TNNI3K: variants seen among roughly 807,000 people sequenced by gnomAD.
TNNI3K encodes the protein TNNI3 interacting kinase.
TNNI3K carries 140 observed loss-of-function variants against 114.5 expected under a neutral mutation model. The observed-to-expected ratio is 1.22, with a 90% CI of 1.07 to 1.41. The LOEUF (loss-of-function observed/expected upper bound fraction) is 1.41. TNNI3K is among the 40% of genes most tolerant of loss of function. The pLI, the probability that TNNI3K is intolerant of heterozygous loss-of-function variation, is 0.00. For synonymous variants in TNNI3K, 347 were observed against 347.5 expected (o/e 1.00, Z 0.02); for missense variants, 1,125 against 1,007.6 (o/e 1.12, Z -1.58).
chr1:74,470,328 A>T (rs893306915), intron 21 of TNNI3K: 1 of 400,558 alleles, frequency 2.5e-6, no homozygotes, highest in African/African-American at 2.1e-5. Flanking sequence ...GTGAGATCTG[A>T]GTTAACATAC....
At chr1:74,462,390 T>A (rs909440911) in intron 20 of TNNI3K, among the ~76,000 whole-genome samples, 1 of 152,220 alleles carries the variant, frequency 6.6e-6, no homozygotes, top group Non-Finnish European at 1.5e-5. Flanking sequence ...AGCAATGTCC[T>A]GGAACTTTAT....
intron 23 of TNNI3K, among the ~76,000 whole-genome samples, chr1:74,524,384 G>T (rs1646475232): frequency 6.6e-6 from 1 of 152,194 alleles, no homozygotes; most frequent in Non-Finnish European, 1.5e-5. Context: ...ACCTGACACT[G>T]TGCGGACTCC....
chr1:74,488,853 G>C (rs1040246632), intron 21 of TNNI3K, among the ~76,000 whole-genome samples: 2 of 152,178 alleles, frequency 1.3e-5, no homozygotes, highest in African/African-American at 4.8e-5. Flanking sequence ...CACTGAGATA[G>C]TTAATAGTTT....
rs1661673344 is a variant in TNNI3K, at chr1:74,356,656, G to T, written c.1177+2527G>T. Among the ~76,000 whole-genome samples the T allele has an allele frequency of 3.3e-5, 5 of 152,260 alleles. No homozygotes were observed. In the South Asian group the frequency reaches 1.0e-3, roughly 32 times the overall value. ...CTCTTCACAGAGGTTGGCTTTGTTT[G>T]TTTTTAGCTGATTGAGAGTGATAGT... On this transcript the variant is annotated intron_variant, in intron 11 of 24. Coordinates refer to ENST00000326637, the MANE Select transcript of TNNI3K (RefSeq NM_015978.3).
chr1:74,341,521 G>A (rs1289899889), intron 7 of TNNI3K: 1 of 151,270 alleles, frequency 6.6e-6, no homozygotes, highest in Non-Finnish European at 1.5e-5. Flanking sequence ...TCTTGTTGAG[G>A]AAAGAGAGTG....
intron 17 of TNNI3K, among the ~76,000 whole-genome samples, chr1:74,428,177 G>A (rs1665724693): frequency 2.6e-5 from 4 of 151,992 alleles, no homozygotes; most frequent in Admixed American, 1.3e-4. Context: ...ACTGAAATTA[G>A]GCTTTCCATG....
At chr1:74,393,124 G>A (rs34961661) in intron 17 of TNNI3K, among the ~76,000 whole-genome samples, 4,465 of 152,214 alleles carry the variant, frequency 0.029, 77 homozygotes, top group Non-Finnish European at 0.038. Context: ...GAAAGGCAGC[G>A]GGCACTGGCT....
chr1:74,283,312 C>A (rs890829770), intron 5 of TNNI3K, among the ~76,000 whole-genome samples: 3 of 151,994 alleles, frequency 2.0e-5, no homozygotes, highest in Non-Finnish European at 4.4e-5. Flanking sequence ...TACTACTCTG[C>A]AGGCTTTTGG....
intron 23 of TNNI3K, among the ~76,000 whole-genome samples, chr1:74,503,531 A>G (rs927366384): frequency 6.6e-6 from 1 of 152,172 alleles, no homozygotes; most frequent in African/African-American, 2.4e-5. Context: ...TGGATCTTGT[A>G]TGTATAATGA....
intron 2 of TNNI3K, among the ~76,000 whole-genome samples, chr1:74,236,995 CCTCT>C (rs1653896016): frequency 6.6e-6 from 1 of 151,822 alleles, no homozygotes; most frequent in Admixed American, 6.6e-5. Flanking sequence ...CAAAGAACTC[CCTCT>C]ATTTTACTTA....
At chr1:74,527,524 G>A (rs1329242403) in intron 23 of TNNI3K, among the ~76,000 whole-genome samples, 1 of 152,116 alleles carries the variant, frequency 6.6e-6, no homozygotes, top group South Asian at 2.1e-4. Context: ...TAAGGCATGA[G>A]CAAAAAAGGA....
intron 23 of TNNI3K, among the ~76,000 whole-genome samples, chr1:74,502,464 T>C (rs116259186): frequency 0.032 from 4,827 of 152,244 alleles, 105 homozygotes; most frequent in Non-Finnish European, 0.05. Flanking sequence ...AAAATGGTAG[T>C]TCATAATTTA....
intron 17 of TNNI3K, among the ~76,000 whole-genome samples, chr1:74,399,156 T>TAAAAA (rs1234711047): frequency 1.0e-4 from 8 of 76,798 alleles, no homozygotes; most frequent in African/African-American, 3.4e-4. Context: ...CAAAACCCAT[T>TAAAAA]AAAAAAAAAA....
chr1:74,531,783 A>T (rs962431513), intron 23 of TNNI3K, among the ~76,000 whole-genome samples: 3 of 152,234 alleles, frequency 2.0e-5, no homozygotes, highest in African/African-American at 7.2e-5. Flanking sequence ...TAAGTTAGAG[A>T]TATTCCTCTT....
chr1:74,525,150 A>G (rs1022548997), intron 23 of TNNI3K, among the ~76,000 whole-genome samples: 1 of 152,202 alleles, frequency 6.6e-6, no homozygotes, highest in Non-Finnish European at 1.5e-5. Flanking sequence ...CCTGAAAGAT[A>G]AGTAGCATTA....
At chr1:74,427,023 T>A (rs1360393354) in intron 17 of TNNI3K, among the ~76,000 whole-genome samples, 6 of 152,120 alleles carry the variant, frequency 3.9e-5, no homozygotes, top group Admixed American at 6.6e-5. Context: ...CATTTAATGA[T>A]CTTTTCCTTT....
intron 9 of TNNI3K, among the ~76,000 whole-genome samples, chr1:74,352,965 A>G (rs1178850261): frequency 6.6e-6 from 1 of 151,982 alleles, no homozygotes; most frequent in Non-Finnish European, 1.5e-5. Flanking sequence ...GGTGCGCTTC[A>G]CCCACTGTCC....
chr1:74,260,394 T>G (rs535116267), intron 4 of TNNI3K, among the ~76,000 whole-genome samples: 1 of 152,278 alleles, frequency 6.6e-6, no homozygotes, highest in African/African-American at 2.4e-5. Context: ...TAAGAAAGAC[T>G]GTCAGCTTAG....
At chr1:74,417,788 A>G (rs1665201914) in intron 17 of TNNI3K, among the ~76,000 whole-genome samples, 1 of 151,902 alleles carries the variant, frequency 6.6e-6, no homozygotes, top group Admixed American at 6.6e-5. Flanking sequence ...AAGGAAGTAA[A>G]TATCTCAAAA....
Sources: gnomAD v4.1 joint callset for allele counts (sites outside exome capture counted in the v4.1 genomes callset) on GRCh38, gnomAD v4.1.1 for gene constraint, MANE v1.5 for transcripts, NCBI Gene and HGNC (gene_info 2026-07-23, HGNC 2026-07-21) for gene names.